Variants in RELN observed in about 807,000 individuals in gnomAD.
RELN encodes the protein reelin.
In RELN, 108 loss-of-function variants were observed where a neutral mutation model predicts 427.6. The ratio of observed to expected loss-of-function variants is 0.25; its 90% CI spans 0.22 to 0.30. The LOEUF is 0.30. Ranked by LOEUF, RELN falls within the 10% of genes least tolerant of loss-of-function variation. The pLI is 1.00. For missense variants in RELN, 3,715 were observed against 4,302.8 expected (o/e 0.86, Z 3.82); for synonymous variants, 1,524 against 1,513.4 (o/e 1.01, Z -0.16).
At chr7:103,933,444 C>CAAA (rs1255655415) in intron 1 of RELN, among the ~76,000 whole-genome samples, 3 of 134,244 alleles carry the variant, frequency 2.2e-5, no homozygotes, top group Non-Finnish European at 3.0e-5. Context: ...CCTGTAATGC[C>CAAA]AGCACTTTGG....
chr7:103,721,173 T>G, intron 8 of RELN, among the ~76,000 whole-genome samples: 1 of 152,130 alleles, frequency 6.6e-6, no homozygotes, highest in Admixed American at 6.6e-5. Flanking sequence ...AGTTATAAAC[T>G]TGAGATCTCT....
At chr7:103,679,711 T>G (rs1482323926) in intron 11 of RELN, among the ~76,000 whole-genome samples, 1 of 152,144 alleles carries the variant, frequency 6.6e-6, no homozygotes, top group Non-Finnish European at 1.5e-5. Flanking sequence ...TTTTTTTGTT[T>G]GGGGGAAATG....
chr7:103,690,282 GA>G lies in RELN; in HGVS notation c.1143+7570del, dbSNP rs893078111. 3.3e-3 allele frequency among the ~76,000 whole-genome samples: 494 copies of G among 149,780 alleles called. 1 individual carries two copies. Among genetic ancestry groups the G allele is most frequent in the East Asian group, 4.3e-3 (22 of 5,108 alleles). ...ACTGTATATCTTAAATGGAAGGAGT[GA>G]AAAAAAAAATCAGTTCATAGCCTTT... On this transcript the variant is annotated intron_variant, in intron 10 of 64. Transcript: ENST00000428762.
chr7:103,586,064 C>T (rs767941547), intron 28 of RELN, among the ~76,000 whole-genome samples: 6 of 152,056 alleles, frequency 3.9e-5, no homozygotes, highest in Non-Finnish European at 8.8e-5. Context: ...AGCAACACAC[C>T]TCAAAATAAT....
intron 2 of RELN, among the ~76,000 whole-genome samples, chr7:103,874,182 A>C (rs1400201496): frequency 7.6e-6 from 1 of 132,178 alleles, no homozygotes; most frequent in Non-Finnish European, 1.7e-5. Flanking sequence ...ACTCTCAATA[A>C]ATTAGGTATT....
In RELN at chr7:103,989,252, G is replaced by A. The variant is rs773912880; in HGVS notation, c.105C>T (p.Pro35=). ...AAAGYYPRFS[P]FFFLCTHHGE... is the part of the protein sequence containing the mutation. Reference sequence around the variant, plus strand: ...CGTGGTGGGTGCACAGGAAAAAGAAGGGCGAAAAGCGGGGGTAATAGCCAG... The same window carrying A: ...CGTGGTGGGTGCACAGGAAAAAGAAAGGCGAAAAGCGGGGGTAATAGCCAG... Residue 35 remains proline, a synonymous_variant, in exon 1 of 65, where the codon CCC becomes CCT. Transcript: ENST00000428762. This position sits in a 1 kb window ranked among gnomAD's most constrained non-coding sequence, Gnocchi z 4.9. 2.5e-6 allele frequency: 4 copies of A among 1,613,984 alleles called. No homozygotes were observed. Among genetic ancestry groups the A allele is most frequent in the South Asian group, 2.2e-5 (2 of 91,084 alleles).
chr7:103,676,977 A>G (rs916956085), intron 11 of RELN, among the ~76,000 whole-genome samples: 1 of 151,858 alleles, frequency 6.6e-6, no homozygotes, highest in Non-Finnish European at 1.5e-5. Context: ...AACATGGTAC[A>G]TGTATACATA....
At chr7:103,609,802 T>C (rs569677954) in intron 22 of RELN, among the ~76,000 whole-genome samples, 1 of 152,328 alleles carries the variant, frequency 6.6e-6, no homozygotes, top group East Asian at 1.9e-4. Context: ...AAAGAGCGAT[T>C]GTTAGGCAGA....
intron 2 of RELN, among the ~76,000 whole-genome samples, chr7:103,911,678 A>G (rs1204084813): frequency 4.7e-5 from 7 of 147,988 alleles, no homozygotes; most frequent in African/African-American, 1.5e-4. Context: ...GCAGCCATAA[A>G]AAATGATGAG....
intron 33 of RELN, among the ~76,000 whole-genome samples, chr7:103,565,823 A>G (rs1830738246): frequency 6.6e-6 from 1 of 152,204 alleles, no homozygotes; most frequent in Non-Finnish European, 1.5e-5. Flanking sequence ...AGTTATACAT[A>G]TATTGGGTTA....
chr7:103,571,888 A>ATT (rs577947244), intron 31 of RELN, among the ~76,000 whole-genome samples: 1,790 of 151,494 alleles, frequency 0.012, 33 homozygotes, highest in African/African-American at 0.041. Flanking sequence ...TTGTTTTGGG[A>ATT]TTTTTTTTTG....
chr7:103,604,315 T>C (rs1472881669), intron 23 of RELN, 31 bp downstream of exon 23: 3 of 1,613,216 alleles, frequency 1.9e-6, no homozygotes, highest in South Asian at 2.2e-5. Flanking sequence ...TTGAGAAGCA[T>C]GGACCTCATC....
intron 51 of RELN, among the ~76,000 whole-genome samples, chr7:103,505,429 G>T (rs369058263): frequency 1.3e-5 from 2 of 152,180 alleles, no homozygotes; most frequent in Non-Finnish European, 2.9e-5. Context: ...GGCAAACAGG[G>T]TCTGGAGTGG....
chr7:103,650,511 T>C (rs868146669), intron 15 of RELN, 128 bp from the exon 16 acceptor site: 4 of 723,946 alleles, frequency 5.5e-6, no homozygotes, highest in Middle Eastern at 2.4e-4. Flanking sequence ...ATAAACTCTT[T>C]AAATTCACTT....
At chr7:103,830,444 A>AT (rs1265677819) in intron 3 of RELN, among the ~76,000 whole-genome samples, 3 of 152,006 alleles carry the variant, frequency 2.0e-5, no homozygotes, top group African/African-American at 7.2e-5. Flanking sequence ...TTCTTACCTT[A>AT]AAAAGTAAAA....
chr7:103,921,169 T>A (rs1795609784), intron 1 of RELN, among the ~76,000 whole-genome samples: 1 of 152,184 alleles, frequency 6.6e-6, no homozygotes, highest in African/African-American at 2.4e-5. Context: ...ACAAAAATGT[T>A]TATAAACTCC....
At chr7:103,747,596 A>G (rs889862403) in intron 6 of RELN, among the ~76,000 whole-genome samples, 4 of 150,600 alleles carry the variant, frequency 2.7e-5, no homozygotes, top group Non-Finnish European at 4.4e-5. Flanking sequence ...GTTTAACAGA[A>G]CAGTCATCTC....
intron 2 of RELN, among the ~76,000 whole-genome samples, chr7:103,851,093 G>A (rs182292613): frequency 1.4e-4 from 22 of 152,290 alleles, no homozygotes; most frequent in Middle Eastern, 3.4e-3. Flanking sequence ...ATGCCCATCC[G>A]TCAATGACAG....
chr7:103,953,529 C>G lies in RELN; in HGVS notation c.226+35602G>C, dbSNP rs1174993509. On this transcript the variant is annotated intron_variant, in intron 1 of 64. Coordinates refer to ENST00000428762, the MANE Select transcript of RELN (RefSeq NM_005045.4). The surrounding 1 kb of genome is among the most constrained non-coding windows in gnomAD (Gnocchi z 4.3). ...ACTGGTAGGGGGACATACACACACA[C>G]AGAATTTTATATAAAGAATATTAAA... is the stretch of plus-strand genomic sequence containing the variant. Among the ~76,000 whole-genome samples, 1 of 152,164 alleles carries G rather than the reference C, an allele frequency of 6.6e-6. No homozygotes were observed. The highest frequency in any genetic ancestry group is 1.9e-4 in the East Asian group (1 of 5,200).
Sources: allele counts gnomAD v4.1 joint callset (sites outside exome capture counted in the v4.1 genomes callset), GRCh38; gene constraint gnomAD v4.1.1; non-coding constraint Gnocchi (gnomAD v3.1); transcripts MANE v1.5; gene names NCBI Gene and HGNC (gene_info 2026-07-23, HGNC 2026-07-21).